ITSN1: variants seen among roughly 807,000 people sequenced by gnomAD.
ITSN1 encodes intersectin-1.
ITSN1 carries 58 observed loss-of-function variants against 239.8 expected under a neutral mutation model. That is an observed-to-expected ratio of 0.24 (90% CI 0.20 to 0.30). ITSN1 has a LOEUF of 0.30. Ranked by LOEUF, ITSN1 falls within the 10% of genes least tolerant of loss-of-function variation. The probability of loss-of-function intolerance (pLI) is 1.00; values close to 1 mark genes in which losing one functional copy is unlikely to be tolerated. For missense variants in ITSN1, 1,558 were observed against 2,103.3 expected (o/e 0.74, Z 5.07); for synonymous variants, 780 against 770.8 (o/e 1.01, Z -0.20).
chr21:33,713,436 G>C (rs2092472882), intron 1 of ITSN1, among the ~76,000 whole-genome samples: 3 of 151,770 alleles, frequency 2.0e-5, no homozygotes, highest in Non-Finnish European at 4.4e-5. Context: ...TAGAGACGGG[G>C]TTTCACCATG....
chr21:33,858,930 T>A, intron 31 of ITSN1, 138 bp downstream of exon 31: 1 of 526,630 alleles, frequency 1.9e-6, no homozygotes, highest in Non-Finnish European at 3.4e-6. Flanking sequence ...TCATTGCCAC[T>A]CACAAACACC....
chr21:33,708,536 C>T lies in ITSN1; in HGVS notation c.-32-10261C>T, dbSNP rs546212921. On this transcript the variant is annotated intron_variant, in intron 1 of 39. Transcript: ENST00000381318. The stretch of plus-strand genomic sequence containing the variant: ...CAGAGTAGCTAGGATTACAGGCATG[C>T]GCCACCACGCCCGGCTAATTTTGTA... Among the ~76,000 whole-genome samples, 19 of 149,912 alleles carry T rather than the reference C, an allele frequency of 1.3e-4. No homozygotes were observed. The South Asian group carries it at 3.2e-3, about 25-fold the overall frequency.
intron 33 of ITSN1, among the ~76,000 whole-genome samples, chr21:33,874,733 C>T (rs920625984): frequency 1.3e-5 from 2 of 151,372 alleles, no homozygotes; most frequent in African/African-American, 4.9e-5. Context: ...ACTACAACCT[C>T]TGCCTCCTGG....
At chr21:33,773,380 G>GC (rs2069329701) in intron 12 of ITSN1, among the ~76,000 whole-genome samples, 1 of 152,098 alleles carries the variant, frequency 6.6e-6, no homozygotes, top group African/African-American at 2.4e-5. Flanking sequence ...GGAAGGCTTC[G>GC]TAAATTTAGC....
chr21:33,767,734 T>A lies in ITSN1; in HGVS notation c.948T>A (p.Gly316=). The change falls in exon 11 of 40, where the codon GGT becomes GGA. Residue 316 remains glycine (G), a synonymous_variant. Transcript: ENST00000381318. ...GCAGAAGAGTTCGATCTGGCAGTGGTATATCTGTCATAAGCTCAACATCTG... is the reference window on the plus strand; with the variant it reads ...GCAGAAGAGTTCGATCTGGCAGTGGAATATCTGTCATAAGCTCAACATCTG... The part of the protein sequence containing the change: ...PSFRRVRSGS[G]ISVISSTSVD... The A allele has an allele frequency of 3.1e-6, 5 of 1,609,948 alleles. No individual in the cohort carries two copies. In the South Asian group the frequency reaches 5.5e-5, roughly 18 times the overall value.
Position 33,888,473 on chromosome 21 carries a change from C to A in ITSN1, c.*173C>A. On this transcript the variant is annotated 3_prime_UTR_variant, in exon 40 of 40. Coordinates refer to ENST00000381318, the MANE Select transcript of ITSN1 (RefSeq NM_003024.3). Reference sequence around the variant, plus strand: ...GAATCATTCTCGACAATCCTCCCTGCCCCGAAACAATTTCCTGTTTCATGA... The same window carrying A: ...GAATCATTCTCGACAATCCTCCCTGACCCGAAACAATTTCCTGTTTCATGA... 1.6e-6 allele frequency: 1 copy of A among 630,832 alleles called. No homozygotes were observed. The highest frequency in any genetic ancestry group is 2.7e-6 in the Non-Finnish European group (1 of 375,426). The allele number at this position is 630,832 out of a possible 1,614,324, so 39.1% of individuals were successfully genotyped here. A position where few individuals can be genotyped will look rare whatever the true frequency, so the allele number is the denominator to read the frequency against.
At chr21:33,843,889 T>A (rs1413037291) in intron 29 of ITSN1, among the ~76,000 whole-genome samples, 2 of 152,218 alleles carry the variant, frequency 1.3e-5, no homozygotes, top group Non-Finnish European at 2.9e-5. Flanking sequence ...CAGAGAATAA[T>A]AGCTTTGTTG....
intron 25 of ITSN1, among the ~76,000 whole-genome samples, chr21:33,824,947 C>T (rs901400056): frequency 1.3e-5 from 2 of 152,160 alleles, no homozygotes; most frequent in African/African-American, 2.4e-5. Context: ...GACCTGGAAA[C>T]AGAGAATTCA....
chr21:33,669,164 G>C (rs564966059), intron 1 of ITSN1, among the ~76,000 whole-genome samples: 14 of 151,582 alleles, frequency 9.2e-5, no homozygotes, highest in Admixed American at 1.3e-4. Context: ...CTCACTGCAG[G>C]CTCCGCCTCC....
chr21:33,838,587 CCCA>C (rs2074713010), intron 29 of ITSN1: 1 of 337,164 alleles, frequency 3.0e-6, no homozygotes, highest in Admixed American at 6.5e-5. Context: ...GGGCCTGCTG[CCCA>C]CGTGTCAACC....
rs1986420268 is a variant in ITSN1, at chr21:33,892,360, G to C, written c.*4060G>C. ...CCGTGGGGTGCTGAAATTCCTGCTA[G>C]AGACTTCCCCTTACTTCCATGAATG... On this transcript the variant is annotated 3_prime_UTR_variant, in exon 40 of 40. Coordinates refer to ENST00000381318, the MANE Select transcript of ITSN1 (RefSeq NM_003024.3). 6.6e-6 allele frequency: 1 copy of C among 152,208 alleles called. No homozygotes were observed. Among genetic ancestry groups the C allele is most frequent in the South Asian group, 2.1e-4 (1 of 4,824 alleles). The allele number at this position is 152,208 out of a possible 1,614,324, so 9.4% of individuals were successfully genotyped here.
intron 8 of ITSN1, among the ~76,000 whole-genome samples, chr21:33,759,454 A>G (rs1321947859): frequency 1.3e-5 from 2 of 152,238 alleles, no homozygotes; most frequent in African/African-American, 2.4e-5. Context: ...TGTAATAGAT[A>G]AAATATTAAC....
At chr21:33,724,811 T>C (rs1601850497) in intron 4 of ITSN1, among the ~76,000 whole-genome samples, 2 of 152,094 alleles carry the variant, frequency 1.3e-5, no homozygotes, top group Admixed American at 6.5e-5. Context: ...CTCTAATGAA[T>C]TTCATTTTTT....
intron 2 of ITSN1, 72 bp from the exon 3 acceptor site, chr21:33,721,106 A>C (rs539249547): frequency 1.1e-6 from 1 of 930,256 alleles, no homozygotes; most frequent in Admixed American, 1.7e-5. Context: ...AGTGCTGTGG[A>C]AATAGTGTGT....
chr21:33,735,806 C>T (rs1467470227), intron 5 of ITSN1, among the ~76,000 whole-genome samples: 1 of 152,022 alleles, frequency 6.6e-6, no homozygotes, highest in African/African-American at 2.4e-5. Context: ...AGTTCGAGAC[C>T]AGCCTGGTCA....
At chr21:33,658,526 T>G (rs1281023894) in intron 1 of ITSN1, among the ~76,000 whole-genome samples, 1 of 152,216 alleles carries the variant, frequency 6.6e-6, no homozygotes, top group African/African-American at 2.4e-5. Flanking sequence ...GAGACATATC[T>G]AAACATAGAA....
chr21:33,777,383 C>T (rs192457030), intron 14 of ITSN1, among the ~76,000 whole-genome samples: 3 of 152,238 alleles, frequency 2.0e-5, no homozygotes, highest in Admixed American at 6.5e-5. Context: ...TCAAGTGATA[C>T]GAATTCTCTG....
chr21:33,683,116 T>C (rs915772661), intron 1 of ITSN1, among the ~76,000 whole-genome samples: 1 of 152,070 alleles, frequency 6.6e-6, no homozygotes, highest in African/African-American at 2.4e-5. Context: ...AGGTAGACAG[T>C]TGGCCTGAGG....
chr21:33,797,481 G>A lies in ITSN1; in HGVS notation c.2055G>A (p.Glu685=). The A allele has an allele frequency of 2.5e-6, 4 of 1,614,144 alleles. No homozygotes were observed. Among genetic ancestry groups the A allele is most frequent in the Non-Finnish European group, 3.4e-6 (4 of 1,180,038 alleles). ...ACGAAGAGGAAAAACTGAAAAGGGA[G>A]GAGAGTGTCAAAAAGAAGGATGGCG... ...KLHEEEKLKR[E]ESVKKKDGEE... Residue 685 remains glutamate, a synonymous_variant, in exon 18 of 40, where the codon GAG becomes GAA. Transcript: ENST00000381318. The surrounding 1 kb of genome is among the most constrained non-coding windows in gnomAD (Gnocchi z 4.9).
Sources: gnomAD v4.1 joint callset for allele counts (sites outside exome capture counted in the v4.1 genomes callset) on GRCh38, gnomAD v4.1.1 for gene constraint, Gnocchi (gnomAD v3.1) non-coding constraint, MANE v1.5 for transcripts, NCBI Gene and HGNC (gene_info 2026-07-23, HGNC 2026-07-21) for gene names.